LPP: variants seen among roughly 807,000 people sequenced by gnomAD.
LPP encodes the protein LIM domain containing preferred translocation partner in lipoma, also known as lipoma-preferred partner.
LPP carries 38 observed loss-of-function variants against 60.4 expected under a neutral mutation model. The ratio of observed to expected loss-of-function variants is 0.63; its 90% CI spans 0.49 to 0.83. LPP has a LOEUF of 0.83. LPP is among the 40% of genes least tolerant of loss of function. The pLI, the probability that LPP is intolerant of heterozygous loss-of-function variation, is 0.00. For synonymous variants in LPP, 328 were observed against 290.8 expected (o/e 1.13, Z -1.30); for missense variants, 902 against 783.6 (o/e 1.15, Z -1.80).
At chr3:188,814,532 C>T (rs571898869) in intron 9 of LPP, among the ~76,000 whole-genome samples, 3 of 152,352 alleles carry the variant, frequency 2.0e-5, no homozygotes, top group African/African-American at 7.2e-5. Flanking sequence ...ACTGCCTCCT[C>T]ACTTGAATTC....
rs546613792 is a variant in LPP at position 188,874,464 on chromosome 3, G to A, written c.1824G>A (p.Ala608=). 4.5e-5 allele frequency: 73 copies of A among 1,614,086 alleles called. No homozygotes were observed. The highest frequency in any genetic ancestry group is 5.4e-5 in the Non-Finnish European group (64 of 1,179,954). Residue 608 remains alanine, a synonymous_variant, in exon 12 of 12, where the codon GCG becomes GCA. Coordinates refer to ENST00000617246, the MANE Select transcript of LPP (RefSeq NM_001375462.1). ...GCATCAGGGTGTTGACCGCCAAGGCGAGCACTGACCTTTAGATTCAGTCAC... is the reference window on the plus strand; with the variant it reads ...GCATCAGGGTGTTGACCGCCAAGGCAAGCACTGACCTTTAGATTCAGTCAC... ...SARIRVLTAK[A]STDL
At chr3:188,753,810 A>C (rs1577352340) in intron 8 of LPP, among the ~76,000 whole-genome samples, 1 of 151,866 alleles carries the variant, frequency 6.6e-6, no homozygotes, top group Admixed American at 6.6e-5. Context: ...TGTAGAGGGA[A>C]AAACAAGAGA....
intron 7 of LPP, among the ~76,000 whole-genome samples, chr3:188,703,896 C>A (rs1864968143): frequency 6.6e-6 from 1 of 152,110 alleles, no homozygotes. Flanking sequence ...CAGGATCGGC[C>A]TTCTTGCTGC....
At chr3:188,240,263 G>C (rs1202027361) in intron 2 of LPP, 1 of 172,352 alleles carries the variant, frequency 5.8e-6, no homozygotes, top group East Asian at 1.1e-4. Flanking sequence ...AAAGTAGTGA[G>C]GGGGAACATG....
At chr3:188,489,036 A>G (rs1188939928) in intron 5 of LPP, among the ~76,000 whole-genome samples, 1 of 152,230 alleles carries the variant, frequency 6.6e-6, no homozygotes, top group Non-Finnish European at 1.5e-5. Flanking sequence ...TGCTTAAGGT[A>G]GTTACAAAGA....
intron 5 of LPP, among the ~76,000 whole-genome samples, chr3:188,519,310 G>A (rs1378267419): frequency 2.0e-5 from 3 of 152,168 alleles, no homozygotes; most frequent in Non-Finnish European, 4.4e-5. Flanking sequence ...TGATATTCCT[G>A]CCTGACTTAT....
At chr3:188,832,841 T>A (rs1211141906) in intron 9 of LPP, among the ~76,000 whole-genome samples, 1 of 152,166 alleles carries the variant, frequency 6.6e-6, no homozygotes, top group African/African-American at 2.4e-5. Context: ...GGTAGGCTGG[T>A]GAGGGGTTCC....
intron 7 of LPP, among the ~76,000 whole-genome samples, chr3:188,676,813 G>C (rs1405035461): frequency 6.6e-6 from 1 of 152,154 alleles, no homozygotes; most frequent in Admixed American, 6.5e-5. Flanking sequence ...AGGGACCTAT[G>C]ATTTCTAGCC....
intron 5 of LPP, among the ~76,000 whole-genome samples, chr3:188,498,108 T>A (rs1381481629): frequency 6.6e-6 from 1 of 152,184 alleles, no homozygotes; most frequent in Non-Finnish European, 1.5e-5. Context: ...GTCTTCTACC[T>A]CCTCCAGGCA....
chr3:188,854,922 C>T (rs996326463), intron 9 of LPP, among the ~76,000 whole-genome samples: 1 of 152,206 alleles, frequency 6.6e-6, no homozygotes, highest in Non-Finnish European at 1.5e-5. Flanking sequence ...CATTTCTAGT[C>T]TCTGCTTGCA....
intron 4 of LPP, among the ~76,000 whole-genome samples, chr3:188,415,436 T>C (rs1167713894): frequency 6.6e-6 from 1 of 152,090 alleles, no homozygotes; most frequent in Non-Finnish European, 1.5e-5. Flanking sequence ...CCCTTTGGCA[T>C]TTAATCCAGA....
At chr3:188,476,529 C>T (rs1803272722) in intron 4 of LPP, among the ~76,000 whole-genome samples, 2 of 152,084 alleles carry the variant, frequency 1.3e-5, no homozygotes, top group Admixed American at 1.3e-4. Context: ...CTTTTGATTC[C>T]TCTTGCCAAA....
intron 6 of LPP, among the ~76,000 whole-genome samples, chr3:188,605,451 A>T (rs1560625090): frequency 6.6e-6 from 1 of 152,138 alleles, no homozygotes; most frequent in Non-Finnish European, 1.5e-5. Context: ...AGGGTGGATG[A>T]TGAAATCTGT....
intron 2 of LPP, among the ~76,000 whole-genome samples, chr3:188,316,534 A>G (rs1398079292): frequency 3.9e-5 from 6 of 152,202 alleles, no homozygotes; most frequent in African/African-American, 1.2e-4. Flanking sequence ...CATGATGCCC[A>G]TGATGTTTGT....
chr3:188,570,282 A>G (rs1833236628), intron 6 of LPP, among the ~76,000 whole-genome samples: 1 of 152,022 alleles, frequency 6.6e-6, no homozygotes, highest in South Asian at 2.1e-4. Context: ...AATATTGGAG[A>G]AAGAAATTAT....
chr3:188,770,721 T>C (rs1198642503), intron 9 of LPP, among the ~76,000 whole-genome samples: 1 of 152,154 alleles, frequency 6.6e-6, no homozygotes, highest in East Asian at 1.9e-4. Context: ...ATTCTAGATA[T>C]GAGAGTCTTT....
At chr3:188,233,791 A>G (rs967022654) in intron 2 of LPP, among the ~76,000 whole-genome samples, 1 of 152,118 alleles carries the variant, frequency 6.6e-6, no homozygotes, top group Non-Finnish European at 1.5e-5. Flanking sequence ...ATTTTTAAAA[A>G]TCAGCATTTA....
At chr3:188,800,562 A>G (rs780298638) in intron 9 of LPP, among the ~76,000 whole-genome samples, 4 of 152,228 alleles carry the variant, frequency 2.6e-5, no homozygotes, top group East Asian at 1.9e-4. Flanking sequence ...TCTGCAGGAT[A>G]TATTTTTAAA....
rs1177912163 is a variant in LPP at position 188,719,895 on chromosome 3, G to T, written c.1240+11502G>T. Among the ~76,000 whole-genome samples the T allele has an allele frequency of 2.6e-5, 4 of 151,292 alleles. No individual in the cohort carries two copies. The East Asian group carries it at 7.7e-4, about 29-fold the overall frequency. On this transcript the variant is annotated intron_variant, in intron 8 of 11. Transcript: ENST00000617246. Reference sequence around the variant, plus strand: ...TTGAACATCTCTGGAGTTGTACTTGGTAGGCATCTTGTTTTTTTGTTGTTT... The same window carrying T: ...TTGAACATCTCTGGAGTTGTACTTGTTAGGCATCTTGTTTTTTTGTTGTTT...
Sources: allele counts gnomAD v4.1 joint callset (sites outside exome capture counted in the v4.1 genomes callset), GRCh38; gene constraint gnomAD v4.1.1; transcripts MANE v1.5; gene names NCBI Gene and HGNC (gene_info 2026-07-23, HGNC 2026-07-21).